Variants in CLEC10A observed in about 807,000 individuals in gnomAD.
CLEC10A encodes the protein C-type lectin domain containing 10A.
In CLEC10A, 38 loss-of-function variants were observed where a neutral mutation model predicts 42.0. That is an observed-to-expected ratio of 0.90 (90% CI 0.70 to 1.18). CLEC10A has a LOEUF of 1.18. CLEC10A is among the 50% of genes most tolerant of loss of function. The probability of loss-of-function intolerance (pLI) is 0.00; values close to 1 mark genes in which losing one functional copy is unlikely to be tolerated. For synonymous variants in CLEC10A, 126 were observed against 139.9 expected, an observed-to-expected ratio of 0.90 and a Z score of 0.70; for missense variants, 298 against 345.9, an observed-to-expected ratio of 0.86 and a Z score of 1.10.
Position 7,075,899 on chromosome 17 carries a change from AATAGG to A in CLEC10A, c.440-19_440-15del, listed in dbSNP as rs3830425. 571,163 of 1,610,638 alleles carry A rather than the reference AATAGG, an allele frequency of 0.35. 106,749 individuals carry two copies. Among genetic ancestry groups the A allele is most frequent in the African/African-American group, 0.67 (50,419 of 74,698 alleles). ...CTTCAGTGGAGGCTGATTGGGGAGA[AATAGG>A]ATAGGGTGGAGAGGCTGAGGCTCTG... On this transcript the variant is annotated splice_polypyrimidine_tract_variant and intron_variant, in intron 6 of 8. Coordinates refer to ENST00000416562, the MANE Select transcript of CLEC10A (RefSeq NM_001330070.2).
At position 7,078,112 on chromosome 17, in the gene CLEC10A, C is replaced by T. The variant is rs1167574652; in HGVS notation, c.69G>A (p.Gly23=). The change falls in exon 3 of 9, where the codon GGG becomes GGA. Residue 23 remains glycine, a splice_region_variant and synonymous_variant. Transcript: ENST00000416562. ...NKVKVQGFKN[G]PLPLQSLLQR... ...GCAGGAGGGACTGGAGAGGAAGTGG[C>T]CCTGCAAGAGGAGAGAGTGTCAGGA... The T allele has an allele frequency of 2.5e-6, 4 of 1,609,284 alleles. No individual in the cohort carries two copies. Among genetic ancestry groups the T allele is most frequent in the Admixed American group, 3.3e-5 (2 of 59,952 alleles).
At chr17:7,076,307 C>CTTTTTTTTTTTTTTTTT (rs1206807036) in intron 5 of CLEC10A, among the ~76,000 whole-genome samples, 3 of 121,126 alleles carry the variant, frequency 2.5e-5, no homozygotes, top group Admixed American at 8.8e-5. Flanking sequence ...TTCTTTCTTT[C>CTTTTTTTTTTTTTTTTT]TTTTTTTTTT....
intron 5 of CLEC10A, 76 bp downstream of exon 5, chr17:7,076,657 G>A: frequency 6.6e-7 from 1 of 1,509,276 alleles, no homozygotes; most frequent in Non-Finnish European, 9.2e-7. Context: ...GGGCAGTTCA[G>A]CACCAGGAGT....
rs1424044471 is a variant in CLEC10A, at chr17:7,075,741, C to G, written c.584G>C (p.Arg195Thr). The G allele has an allele frequency of 6.2e-7, 1 of 1,614,222 alleles. No individual in the cohort carries two copies. Among genetic ancestry groups the G allele is most frequent in the Admixed American group, 1.7e-5 (1 of 60,026 alleles). The change falls in exon 7 of 9, where the codon AGG (arginine) becomes ACG (threonine). Residue 195 changes from arginine (R) to threonine (T), a missense_variant. Physicochemically the swap from Arg to Thr is moderately conservative, Grantham distance 71. Transcript: ENST00000416562. ...KNAHLVVINS[R>T]EEQNFVQKYL... Reference sequence around the variant, plus strand: ...ACCAGAAGCCCTCACCTGCTCCTCCCTGGAGTTGATGACCACCAGGTGGGC... The same window carrying G: ...ACCAGAAGCCCTCACCTGCTCCTCCGTGGAGTTGATGACCACCAGGTGGGC...
In CLEC10A at chr17:7,077,094, C is replaced by T. The variant is rs1048665602; in HGVS notation, c.185-107G>A. ...TGCCTTATTGGGTCCTCACGGCAAC[C>T]CAGTGGGGCAGGCACTATTATTGTT... is the stretch of plus-strand genomic sequence containing the variant. On this transcript the variant is annotated intron_variant, in intron 3 of 8. Coordinates refer to ENST00000416562, the MANE Select transcript of CLEC10A (RefSeq NM_001330070.2). The T allele has an allele frequency of 5.2e-6, 4 of 764,270 alleles. No homozygotes were observed. In the Admixed American group the frequency reaches 8.0e-5, roughly 15 times the overall value. 47.3% of individuals were successfully genotyped at this position (764,270 alleles called of 1,614,324 possible). A position where few individuals can be genotyped will look rare whatever the true frequency, so the allele number is the denominator to read the frequency against.
Position 7,076,015 on chromosome 17 carries a change from TC to T in CLEC10A, c.408del (p.Thr137ProfsTer48). The T allele has an allele frequency of 6.2e-7, 1 of 1,614,216 alleles. No individual in the cohort carries two copies. Among genetic ancestry groups the T allele is most frequent in the South Asian group, 1.1e-5 (1 of 91,084 alleles). ...VQQLVQDLKK[L>X]TCQVATLNNN... The stretch of plus-strand genomic sequence containing the variant: ...TTGTTGAGAGTAGCCACCTGGCAGG[TC>T]AGTTTCTTCAGGTCTTGCACCAGCT... On this transcript the variant is annotated frameshift_variant, in exon 6 of 9. Transcript: ENST00000416562. LOFTEE classifies it high-confidence loss of function.
chr17:7,077,533 C>CAT (rs202149258), intron 3 of CLEC10A, among the ~76,000 whole-genome samples: 8 of 94,594 alleles, frequency 8.5e-5, no homozygotes, highest in Admixed American at 2.2e-4. Context: ...CAGTGACCCC[C>CAT]CACCGTTCCT....
chr17:7,076,318 T>C (rs1158235786), intron 5 of CLEC10A, among the ~76,000 whole-genome samples: 2 of 147,140 alleles, frequency 1.4e-5, no homozygotes, highest in Non-Finnish European at 3.0e-5. Context: ...TTTTTTTTTT[T>C]TTTTTTTTTG....
chr17:7,075,898 AAAT>A lies in CLEC10A; in HGVS notation c.440-16_440-14del, dbSNP rs1169239536. Reference sequence around the variant, plus strand: ...CCTTCAGTGGAGGCTGATTGGGGAGAAATAGGATAGGGTGGAGAGGCTGAGGCT... The same window carrying A: ...CCTTCAGTGGAGGCTGATTGGGGAGAAGGATAGGGTGGAGAGGCTGAGGCT... On this transcript the variant is annotated splice_polypyrimidine_tract_variant and intron_variant, in intron 6 of 8. Coordinates refer to ENST00000416562, the MANE Select transcript of CLEC10A (RefSeq NM_001330070.2). The A allele has an allele frequency of 1.9e-6, 3 of 1,577,388 alleles. No homozygotes were observed. The highest frequency in any genetic ancestry group is 2.6e-6 in the Non-Finnish European group (3 of 1,170,188).
In CLEC10A at chr17:7,075,367, C is replaced by T. The variant is rs768336086; in HGVS notation, c.694G>A (p.Gly232Ser). Residue 232 changes from glycine (G) to serine (S), a missense_variant, in exon 8 of 9, where the codon GGC (glycine) becomes AGC (serine). Around this residue, in one of 3 missense-constraint regions of CLEC10A, gnomAD observed 267 missense variants for 289.5 expected, o/e 0.92. Transcript: ENST00000416562. ...KWVDGTDYAT[G>S]FQNWKPGQPD... ...AAGCCAGGGTGCACTCACTGGAAGC[C>T]GGTCGCATAGTCTGTTCCATCCACC... 2 of 1,514,356 alleles carry T rather than the reference C, an allele frequency of 1.3e-6. No individual in the cohort carries two copies. Among genetic ancestry groups the T allele is most frequent in the Non-Finnish European group, 1.8e-6 (2 of 1,133,684 alleles). The allele number at this position is 1,514,356 out of a possible 1,614,324, so 93.8% of individuals were successfully genotyped here.
chr17:7,075,757 C>T lies in CLEC10A; in HGVS notation c.568G>A (p.Val190Met). Residue 190 changes from valine (V) to methionine (M), a missense_variant, in exon 7 of 9, where the codon GTG (valine) becomes ATG (methionine). Around this residue, in one of 3 missense-constraint regions of CLEC10A, gnomAD observed 267 missense variants for 289.5 expected, o/e 0.92. Coordinates refer to ENST00000416562, the MANE Select transcript of CLEC10A (RefSeq NM_001330070.2). ...KYCQLKNAHL[V>M]VINSREEQNF... ...TGCTCCTCCCTGGAGTTGATGACCACCAGGTGGGCGTTCTTCAGCTGGCAG... is the reference window on the plus strand; with the variant it reads ...TGCTCCTCCCTGGAGTTGATGACCATCAGGTGGGCGTTCTTCAGCTGGCAG... The T allele has an allele frequency of 1.2e-6, 2 of 1,614,184 alleles. No homozygotes were observed. The highest frequency in any genetic ancestry group is 1.3e-5 in the African/African-American group (1 of 75,024).
chr17:7,075,592 G>A, intron 7 of CLEC10A, 126 bp from the exon 8 acceptor site: 1 of 1,434,422 alleles, frequency 7.0e-7, no homozygotes, highest in South Asian at 1.2e-5. Context: ...TGGATGCTCA[G>A]GCCTATTAAA....
intron 5 of CLEC10A, among the ~76,000 whole-genome samples, chr17:7,076,307 CTTTTTTTTTTT>C (rs1206807036): frequency 8.3e-6 from 1 of 121,130 alleles, no homozygotes; most frequent in Non-Finnish European, 1.7e-5. Flanking sequence ...TTCTTTCTTT[CTTTTTTTTTTT>C]TTTTTTTTTG....
intron 5 of CLEC10A, chr17:7,076,299 CTTT>C: frequency 2.0e-6 from 1 of 496,420 alleles, no homozygotes; most frequent in Non-Finnish European, 3.4e-6. Flanking sequence ...GCCTTTCTTT[CTTT>C]CTTTCTTTTT....
chr17:7,076,148 T>A lies in CLEC10A; in HGVS notation c.353-77A>T, dbSNP rs759103625. Reference sequence around the variant, plus strand: ...GCGTAGTGTGTTCCTGGAGCTCAGATACCCCTGCACAGGGCCAAGCCAGGG... The same window carrying A: ...GCGTAGTGTGTTCCTGGAGCTCAGAAACCCCTGCACAGGGCCAAGCCAGGG... On this transcript the variant is annotated intron_variant, in intron 5 of 8. Coordinates refer to ENST00000416562, the MANE Select transcript of CLEC10A (RefSeq NM_001330070.2). The A allele has an allele frequency of 2.5e-6, 4 of 1,613,844 alleles. No individual in the cohort carries two copies. The South Asian group carries it at 4.4e-5, about 18-fold the overall frequency.
Position 7,076,201 on chromosome 17 carries a change from C to G in CLEC10A, c.353-130G>C, listed in dbSNP as rs188415921. ...TGTTCCTTCCCGCCCCCACCCACCC[C>G]CTACATCATGGCCAGGTACAGCCAT... is the stretch of plus-strand genomic sequence containing the variant. On this transcript the variant is annotated intron_variant, in intron 5 of 8. Transcript: ENST00000416562. 6.6e-5 allele frequency: 104 copies of G among 1,567,866 alleles called. No individual in the cohort carries two copies. The African/African-American group carries it at 1.2e-3, about 17-fold the overall frequency.
In CLEC10A at chr17:7,076,692, A is replaced by G. The variant is rs775042380; in HGVS notation, c.352+41T>C. 3 of 1,603,708 alleles carry G rather than the reference A, an allele frequency of 1.9e-6. No individual in the cohort carries two copies. The South Asian group carries it at 3.3e-5, about 18-fold the overall frequency. ...TCTGTTCCCACCTCCACTGTGTCTG[A>G]GCGCCTAGCCCCCCACACCCATACT... On this transcript the variant is annotated intron_variant, in intron 5 of 8. Coordinates refer to ENST00000416562, the MANE Select transcript of CLEC10A (RefSeq NM_001330070.2).
chr17:7,075,623 A>G (rs748765114), intron 7 of CLEC10A, 108 bp downstream of exon 7: 1 of 1,540,044 alleles, frequency 6.5e-7, no homozygotes, highest in Non-Finnish European at 9.0e-7. Context: ...TGTGGCACAG[A>G]TGACAGTCAT....
intron 3 of CLEC10A, among the ~76,000 whole-genome samples, chr17:7,077,709 T>TCTCC (rs1911907747): frequency 4.5e-5 from 1 of 22,194 alleles, no homozygotes; most frequent in African/African-American, 2.7e-4. Context: ...AGTGCCCCCC[T>TCTCC]ACCGTTACCA....
Sources: allele counts gnomAD v4.1 joint callset (sites outside exome capture counted in the v4.1 genomes callset), GRCh38; gene constraint gnomAD v4.1.1; regional missense constraint gnomAD v4.1.1; transcripts MANE v1.5; gene names NCBI Gene and HGNC (gene_info 2026-07-23, HGNC 2026-07-21).